Variants in TMEM245 observed in about 807,000 individuals in gnomAD.
TMEM245 encodes the protein transmembrane protein 245.
Under a neutral mutation model 101.2 loss-of-function variants are expected in TMEM245, and 69 were observed. The observed-to-expected ratio is 0.68, with a 90% CI of 0.56 to 0.83. The LOEUF (loss-of-function observed/expected upper bound fraction) is 0.83. Ranked by LOEUF, TMEM245 falls within the 40% of genes least tolerant of loss-of-function variation. The probability of loss-of-function intolerance (pLI) is 0.00; values close to 1 mark genes in which losing one functional copy is unlikely to be tolerated. For synonymous variants in TMEM245, 537 were observed against 449.8 expected (o/e 1.19, Z -2.45); for missense variants, 1,075 against 1,092.8 (o/e 0.98, Z 0.23).
At chr9:109,062,197 G>A (rs1053468555) in intron 10 of TMEM245, among the ~76,000 whole-genome samples, 2 of 151,352 alleles carry the variant, frequency 1.3e-5, no homozygotes, top group Admixed American at 6.6e-5. Context: ...GTAGAGACAA[G>A]GTCTCACTAT....
intron 12 of TMEM245, among the ~76,000 whole-genome samples, chr9:109,051,189 G>A (rs1828668942): frequency 6.6e-6 from 1 of 151,798 alleles, no homozygotes; most frequent in South Asian, 2.1e-4. Context: ...CTACCTGGGA[G>A]GCTGAGGGAG....
chr9:109,064,042 G>A (rs887037217), intron 10 of TMEM245, among the ~76,000 whole-genome samples: 5 of 152,056 alleles, frequency 3.3e-5, no homozygotes, highest in African/African-American at 1.2e-4. Flanking sequence ...TTCCTCATCT[G>A]CAAAGCAGGC....
chr9:109,061,272 C>A (rs72760329), intron 10 of TMEM245, among the ~76,000 whole-genome samples: 1 of 151,942 alleles, frequency 6.6e-6, no homozygotes, highest in Non-Finnish European at 1.5e-5. Flanking sequence ...GCCGTGATCA[C>A]GCCAACATGC....
intron 14 of TMEM245, among the ~76,000 whole-genome samples, chr9:109,045,434 A>T (rs1474584357): frequency 6.6e-6 from 1 of 152,200 alleles, no homozygotes; most frequent in African/African-American, 2.4e-5. Flanking sequence ...GAAACACAGA[A>T]ACATACAATG....
chr9:109,091,995 G>A (rs1282125884), intron 4 of TMEM245, among the ~76,000 whole-genome samples: 2 of 152,040 alleles, frequency 1.3e-5, no homozygotes, highest in African/African-American at 4.8e-5. Context: ...AATTACAAAA[G>A]TATCATACGT....
chr9:109,119,878 G>T lies in TMEM245; in HGVS notation c.36C>A (p.Ser12Arg). The change falls in exon 1 of 18, where the codon AGC (serine) becomes AGA (arginine). Residue 12 changes from serine (S) to arginine (R), a missense_variant. Coordinates refer to ENST00000374586, the MANE Select transcript of TMEM245 (RefSeq NM_032012.4). ...GCGCCGGCCCGGGAGAGCTCCGCAG[G>T]CTTGGCGCGTCCTTAGGGCCGCCGC... is the stretch of plus-strand genomic sequence containing the variant. ...ADGGGPKDAP[S>R]LRSSPGPAPR... is the part of the protein sequence containing the mutation. 7.7e-7 allele frequency: 1 copy of T among 1,302,938 alleles called. No individual in the cohort carries two copies. The highest frequency in any genetic ancestry group is 9.7e-7 in the Non-Finnish European group (1 of 1,034,190). The allele number at this position is 1,302,938 out of a possible 1,614,324, so 80.7% of individuals were successfully genotyped here. A position where few individuals can be genotyped will look rare whatever the true frequency, so the allele number is the denominator to read the frequency against.
Position 109,091,073 on chromosome 9 carries a change from A to C in TMEM245, c.999T>G (p.Pro333=). 6.2e-7 allele frequency: 1 copy of C among 1,614,070 alleles called. No individual in the cohort carries two copies. Among genetic ancestry groups the C allele is most frequent in the Non-Finnish European group, 8.5e-7 (1 of 1,179,988 alleles). ...TTTCAGGCCTTCGTCTGCCCAGAGT[A>C]GGTGAAGGGGAAGTGGGTGAAGGGG... ...PSSPSPTSPS[P]TLGRRRPEIG... Residue 333 remains proline (P), a synonymous_variant, in exon 5 of 18, where the codon CCT becomes CCG. Transcript: ENST00000374586.
At chr9:109,026,161 A>G (rs984401446) in intron 17 of TMEM245, among the ~76,000 whole-genome samples, 2 of 152,228 alleles carry the variant, frequency 1.3e-5, no homozygotes, top group African/African-American at 4.8e-5. Flanking sequence ...CATTCTGAGT[A>G]CAAAATACTG....
At chr9:109,087,101 T>C (rs1829861614) in intron 6 of TMEM245, 72 bp downstream of exon 6, 7 of 1,360,048 alleles carry the variant, frequency 5.1e-6, no homozygotes, top group Non-Finnish European at 6.0e-6. Context: ...ATAAACACCA[T>C]AGAATGGAAA....
intron 12 of TMEM245, among the ~76,000 whole-genome samples, chr9:109,054,845 A>G (rs1828785873): frequency 6.6e-6 from 1 of 152,206 alleles, no homozygotes; most frequent in South Asian, 2.1e-4. Context: ...AAATGAAGGC[A>G]ACTATACTAC....
chr9:109,046,192 G>A (rs1362020458), intron 14 of TMEM245: 1 of 530,768 alleles, frequency 1.9e-6, no homozygotes, highest in South Asian at 1.4e-5. Flanking sequence ...TGTAATCCCA[G>A]CAAGCAAGAG....
chr9:109,084,089 A>AC (rs1298634764), intron 7 of TMEM245, among the ~76,000 whole-genome samples: 1 of 150,846 alleles, frequency 6.6e-6, no homozygotes, highest in East Asian at 1.9e-4. Context: ...AAATTTAAAA[A>AC]AAAAAAAAGG....
intron 17 of TMEM245, among the ~76,000 whole-genome samples, chr9:109,029,532 C>G (rs1280140627): frequency 6.6e-6 from 1 of 152,132 alleles, no homozygotes; most frequent in Non-Finnish European, 1.5e-5. Context: ...CATAGGAAAG[C>G]TATCGGATTA....
intron 3 of TMEM245, among the ~76,000 whole-genome samples, chr9:109,105,800 C>T (rs1267892258): frequency 6.6e-6 from 1 of 151,858 alleles, no homozygotes; most frequent in Non-Finnish European, 1.5e-5. Context: ...GAGACGGAGT[C>T]TCGCTCTGTT....
chr9:109,037,493 G>A (rs569553291), intron 15 of TMEM245, among the ~76,000 whole-genome samples: 2 of 152,264 alleles, frequency 1.3e-5, no homozygotes, highest in South Asian at 2.1e-4. Flanking sequence ...GGATCATGGC[G>A]GGTGGATTTC....
At chr9:109,088,803 G>A (rs534249457) in intron 5 of TMEM245, among the ~76,000 whole-genome samples, 7 of 125,510 alleles carry the variant, frequency 5.6e-5, no homozygotes, top group Admixed American at 8.8e-5. Flanking sequence ...GCAACAGAGC[G>A]AGACTACATC....
chr9:109,116,600 C>T (rs529939858), intron 1 of TMEM245, among the ~76,000 whole-genome samples: 10 of 151,774 alleles, frequency 6.6e-5, no homozygotes, highest in Admixed American at 2.6e-4. Context: ...GGCACAATCT[C>T]AACTCACTGC....
rs755399182 is a variant in TMEM245 at position 109,032,365 on chromosome 9, C to CTTTTTTTTTTTTTTT, written c.2594+927_2594+941dup. 2.8e-3 allele frequency among the ~76,000 whole-genome samples: 115 copies of CTTTTTTTTTTTTTTT among 40,980 alleles called. 44 individuals carry two copies. Among genetic ancestry groups the CTTTTTTTTTTTTTTT allele is most frequent in the East Asian group, 4.2e-3 (6 of 1,412 alleles). The allele number at this position is 40,980 out of a possible 152,430, so 26.9% of individuals were successfully genotyped here. ...GCATTTGGTTGTCCTATTTCTTTTCCTTTTTTTTTTTTTTTTTTTTTTTTT... is the reference window on the plus strand; with the variant it reads ...GCATTTGGTTGTCCTATTTCTTTTCCTTTTTTTTTTTTTTTTTTTTTTTTTTTTTTTTTTTTTTTT... On this transcript the variant is annotated intron_variant, in intron 17 of 17. Coordinates refer to ENST00000374586, the MANE Select transcript of TMEM245 (RefSeq NM_032012.4).
rs139685117 is a variant in TMEM245, at chr9:109,064,941, C to A, written c.1533-374G>T. 2.1e-3 allele frequency among the ~76,000 whole-genome samples: 320 copies of A among 152,270 alleles called. 1 individual carries two copies. Among genetic ancestry groups the A allele is most frequent in the African/African-American group, 7.2e-3 (301 of 41,528 alleles). On this transcript the variant is annotated intron_variant, in intron 9 of 17. Coordinates refer to ENST00000374586, the MANE Select transcript of TMEM245 (RefSeq NM_032012.4). ...AGTAGCTGAGATCATAGGCACGTCA[C>A]CACGCCTGGCTAATTTTGTATTTTA...
Sources: allele counts gnomAD v4.1 joint callset (sites outside exome capture counted in the v4.1 genomes callset), GRCh38; gene constraint gnomAD v4.1.1; transcripts MANE v1.5; gene names NCBI Gene and HGNC (gene_info 2026-07-23, HGNC 2026-07-21).